SLC24A3: variants seen among roughly 807,000 people sequenced by gnomAD.
SLC24A3 encodes the protein solute carrier family 24 member 3, also known as sodium/potassium/calcium exchanger 3.
Under a neutral mutation model 75.8 loss-of-function variants are expected in SLC24A3, and 28 were observed. That is an observed-to-expected ratio of 0.37 (90% CI 0.27 to 0.51). The LOEUF is 0.51. Among genes scored for constraint, SLC24A3 ranks in the 20% least tolerant of loss-of-function variants. SLC24A3 has a pLI of 0.94. For synonymous variants in SLC24A3, 372 were observed against 334.1 expected (o/e 1.11, Z -1.24); for missense variants, 663 against 847.8 (o/e 0.78, Z 2.71).
At chr20:19,549,813 AACCTTTG>A (rs1008142733) in intron 3 of SLC24A3, among the ~76,000 whole-genome samples, 2 of 152,138 alleles carry the variant, frequency 1.3e-5, no homozygotes, top group African/African-American at 4.8e-5. Flanking sequence ...ACAAACAAAA[AACCTTTG>A]ACTCTTGAAA....
At chr20:19,395,214 G>C (rs868254054) in intron 2 of SLC24A3, among the ~76,000 whole-genome samples, 1 of 152,154 alleles carries the variant, frequency 6.6e-6, no homozygotes, top group South Asian at 2.1e-4. Flanking sequence ...ACCGTGTAAT[G>C]GTCATAGAGT....
chr20:19,494,711 A>C (rs1334933953), intron 2 of SLC24A3, among the ~76,000 whole-genome samples: 1 of 152,106 alleles, frequency 6.6e-6, no homozygotes, highest in African/African-American at 2.4e-5. Context: ...AGCTAGACCC[A>C]CTCATCCAGC....
At chr20:19,597,985 G>A (rs1361970122) in intron 6 of SLC24A3, among the ~76,000 whole-genome samples, 1 of 152,142 alleles carries the variant, frequency 6.6e-6, no homozygotes, top group African/African-American at 2.4e-5. Flanking sequence ...GGAGACTTAG[G>A]TTGATTCTAT....
At chr20:19,465,845 C>A (rs549798254) in intron 2 of SLC24A3, among the ~76,000 whole-genome samples, 1 of 152,326 alleles carries the variant, frequency 6.6e-6, no homozygotes, top group African/African-American at 2.4e-5. Flanking sequence ...GGAGAGCTTT[C>A]CAAATAACAC....
At position 19,540,829 on chromosome 20, in the gene SLC24A3, C is replaced by A. The variant is rs1033253798; in HGVS notation, c.348+25265C>A. The stretch of plus-strand genomic sequence containing the variant: ...CTTCCGTCCCTTTATATAGGGCAGC[C>A]TTAGCCCACTCATTACATCACCAAA... On this transcript the variant is annotated intron_variant, in intron 3 of 16. Transcript: ENST00000328041. Among the ~76,000 whole-genome samples, 7 of 152,348 alleles carry A rather than the reference C, an allele frequency of 4.6e-5. No individual in the cohort carries two copies. The East Asian group carries it at 1.3e-3, about 29-fold the overall frequency.
rs181510146 is a variant in SLC24A3 at position 19,436,390 on chromosome 20, G to C, written c.272-79098G>C. Among the ~76,000 whole-genome samples the C allele has an allele frequency of 2.4e-4, 36 of 152,306 alleles. No individual in the cohort carries two copies. The East Asian group carries it at 6.8e-3, about 29-fold the overall frequency. Reference sequence around the variant, plus strand: ...TGTCTCTTGGACTTCACAGATGGATGTGAGAAAGAACTCCTGCTCTACCTG... The same window carrying C: ...TGTCTCTTGGACTTCACAGATGGATCTGAGAAAGAACTCCTGCTCTACCTG... On this transcript the variant is annotated intron_variant, in intron 2 of 16. Transcript: ENST00000328041.
chr20:19,404,451 G>C (rs1299016135), intron 2 of SLC24A3, among the ~76,000 whole-genome samples: 2 of 152,194 alleles, frequency 1.3e-5, no homozygotes, highest in Non-Finnish European at 2.9e-5. Flanking sequence ...TCCGCAGTCA[G>C]TACTTTGTAA....
intron 2 of SLC24A3, among the ~76,000 whole-genome samples, chr20:19,419,022 T>C (rs765190839): frequency 6.6e-6 from 1 of 152,250 alleles, no homozygotes; most frequent in Non-Finnish European, 1.5e-5. Flanking sequence ...ATCAACTCAT[T>C]ATTTTGAAAG....
chr20:19,254,215 G>T (rs775536887), intron 1 of SLC24A3, among the ~76,000 whole-genome samples: 18 of 146,266 alleles, frequency 1.2e-4, no homozygotes, highest in Non-Finnish European at 2.4e-4. Flanking sequence ...TGCCCAGGCG[G>T]CCATCTACTC....
chr20:19,403,942 C>T (rs1158965855), intron 2 of SLC24A3, among the ~76,000 whole-genome samples: 1 of 152,190 alleles, frequency 6.6e-6, no homozygotes, highest in Non-Finnish European at 1.5e-5. Flanking sequence ...CATGATAAAA[C>T]AGGTAAAAGC....
chr20:19,426,225 T>C (rs1987003692), intron 2 of SLC24A3, among the ~76,000 whole-genome samples: 1 of 152,256 alleles, frequency 6.6e-6, no homozygotes, highest in South Asian at 2.1e-4. Flanking sequence ...ATTTACTTAT[T>C]TGTGCTCTGT....
At chr20:19,540,338 A>G (rs2030473326) in intron 3 of SLC24A3, among the ~76,000 whole-genome samples, 2 of 152,294 alleles carry the variant, frequency 1.3e-5, no homozygotes, top group African/African-American at 4.8e-5. Flanking sequence ...AGAACAAGGA[A>G]CGCAGGGAGT....
intron 1 of SLC24A3, among the ~76,000 whole-genome samples, chr20:19,280,243 T>C (rs762402743): frequency 1.7e-4 from 26 of 152,222 alleles, no homozygotes; most frequent in Non-Finnish European, 1.5e-5. Flanking sequence ...CCCTGTTACC[T>C]GCTCTCCCAA....
At chr20:19,576,427 A>G (rs2031135668) in intron 3 of SLC24A3, among the ~76,000 whole-genome samples, 1 of 152,114 alleles carries the variant, frequency 6.6e-6, no homozygotes, top group Admixed American at 6.5e-5. Flanking sequence ...AGTGAGTAAC[A>G]TGAGAGAGAC....
At chr20:19,581,577 T>C (rs1385939541) in intron 4 of SLC24A3, among the ~76,000 whole-genome samples, 1 of 151,818 alleles carries the variant, frequency 6.6e-6, no homozygotes, top group East Asian at 1.9e-4. Context: ...TTAAGGAGGG[T>C]GAGGTGTTAT....
intron 2 of SLC24A3, among the ~76,000 whole-genome samples, chr20:19,401,033 G>A (rs1986542613): frequency 1.3e-5 from 2 of 152,236 alleles, no homozygotes; most frequent in African/African-American, 4.8e-5. Context: ...CTGTTATCGA[G>A]TGTGTGAGTT....
chr20:19,222,700 C>T (rs1170823139), intron 1 of SLC24A3, among the ~76,000 whole-genome samples: 2 of 151,872 alleles, frequency 1.3e-5, no homozygotes, highest in Non-Finnish European at 2.9e-5. Flanking sequence ...ATAGCAGGAC[C>T]ATCCCAAATT....
At chr20:19,480,087 G>A (rs2122517374) in intron 2 of SLC24A3, among the ~76,000 whole-genome samples, 1 of 152,278 alleles carries the variant, frequency 6.6e-6, no homozygotes, top group East Asian at 1.9e-4. Flanking sequence ...GGCTAAGAAA[G>A]CACAAATACA....
chr20:19,520,650 C>A (rs1277318692), intron 3 of SLC24A3, among the ~76,000 whole-genome samples: 2 of 152,150 alleles, frequency 1.3e-5, no homozygotes, highest in African/African-American at 4.8e-5. Context: ...AGGAAGAGGA[C>A]CATTAACATC....
Sources: gnomAD v4.1 joint callset for allele counts (sites outside exome capture counted in the v4.1 genomes callset) on GRCh38, gnomAD v4.1.1 for gene constraint, MANE v1.5 for transcripts, NCBI Gene and HGNC (gene_info 2026-07-23, HGNC 2026-07-21) for gene names.